The following MYO1B variants were observed in gnomAD, a reference collection of about 807,000 sequenced individuals.
MYO1B encodes the protein myosin IB, also known as unconventional myosin-Ib.
In MYO1B, 72 loss-of-function variants were observed where a neutral mutation model predicts 159.7. That is an observed-to-expected ratio of 0.45 (90% CI 0.37 to 0.55). The LOEUF (loss-of-function observed/expected upper bound fraction) is 0.55, where lower values mean the gene tolerates loss of function less well. Among genes scored for constraint, MYO1B ranks in the 20% least tolerant of loss-of-function variants. The pLI is 0.00. For missense variants in MYO1B, 1,062 were observed against 1,364.8 expected, an observed-to-expected ratio of 0.78 and a Z score of 3.50; for synonymous variants, 468 against 473.8, an observed-to-expected ratio of 0.99 and a Z score of 0.16.
intron 2 of MYO1B, 89 bp from the exon 3 acceptor site, chr2:191,296,022 A>G: frequency 1.7e-6 from 1 of 589,170 alleles, no homozygotes; most frequent in Non-Finnish European, 2.7e-6. Context: ...TGATTTTAAA[A>G]GGTTGAAACC....
chr2:191,324,865 AC>A (rs1212498812), intron 3 of MYO1B, among the ~76,000 whole-genome samples: 10 of 152,176 alleles, frequency 6.6e-5, no homozygotes, highest in Admixed American at 4.6e-4. Context: ...AGGGCATAAC[AC>A]TAACTTGACA....
intron 1 of MYO1B, chr2:191,246,464 T>C (rs1685800920): frequency 6.6e-6 from 1 of 152,230 alleles, no homozygotes; most frequent in South Asian, 2.1e-4. Context: ...CGTTTATTGC[T>C]GCAACAAGTT....
intron 2 of MYO1B, among the ~76,000 whole-genome samples, chr2:191,295,293 C>G (rs1053040411): frequency 6.6e-6 from 1 of 152,086 alleles, no homozygotes; most frequent in Non-Finnish European, 1.5e-5. Context: ...ACTAAACCAG[C>G]ACCACTGGTG....
In MYO1B at chr2:191,370,221, T is replaced by C. The variant is rs1694273406; in HGVS notation, c.1120-6T>C. On this transcript the variant is annotated splice_region_variant and splice_polypyrimidine_tract_variant and intron_variant, in intron 12 of 30. Coordinates refer to ENST00000392318, the MANE Select transcript of MYO1B (RefSeq NM_001130158.3). The stretch of plus-strand genomic sequence containing the variant: ...AATTAACCCTTTAATTTGAAACTTT[T>C]TAAAGGCACAAACAAAAGTGAGAAA... The C allele has an allele frequency of 6.2e-7, 1 of 1,611,606 alleles. No individual in the cohort carries two copies. Among genetic ancestry groups the C allele is most frequent in the African/African-American group, 1.3e-5 (1 of 74,846 alleles).
intron 28 of MYO1B, 29 bp from the exon 29 acceptor site, chr2:191,414,488 G>A: frequency 3.2e-6 from 5 of 1,575,666 alleles, no homozygotes; most frequent in Non-Finnish European, 4.3e-6. Context: ...GTGATCATTG[G>A]TTTTATACTA....
At chr2:191,298,393 C>A (rs116052566) in intron 3 of MYO1B, among the ~76,000 whole-genome samples, 1,779 of 152,180 alleles carry the variant, frequency 0.012, 32 homozygotes, top group African/African-American at 0.04. Context: ...TTATTTGATA[C>A]CTGAATATTT....
chr2:191,347,291 C>T (rs1692629757), intron 6 of MYO1B, among the ~76,000 whole-genome samples: 1 of 152,168 alleles, frequency 6.6e-6, no homozygotes, highest in African/African-American at 2.4e-5. Context: ...AATTCCAAGG[C>T]TGTGAATTTT....
intron 2 of MYO1B, among the ~76,000 whole-genome samples, chr2:191,289,051 G>A (rs1211230230): frequency 6.6e-6 from 1 of 152,166 alleles, no homozygotes; most frequent in African/African-American, 2.4e-5. Flanking sequence ...GTTAAAGAAT[G>A]ATTACGATTG....
chr2:191,266,307 A>G (rs909761989), intron 1 of MYO1B, among the ~76,000 whole-genome samples: 1 of 152,210 alleles, frequency 6.6e-6, no homozygotes, highest in African/African-American at 2.4e-5. Flanking sequence ...TCTCTCAGTC[A>G]GGCTACATAA....
chr2:191,314,541 C>T (rs1690224070), intron 3 of MYO1B, among the ~76,000 whole-genome samples: 1 of 152,188 alleles, frequency 6.6e-6, no homozygotes, highest in Non-Finnish European at 1.5e-5. Context: ...TTCACATATT[C>T]ATCCATTGGG....
At chr2:191,417,997 G>A (rs1176156892) in intron 30 of MYO1B, among the ~76,000 whole-genome samples, 4 of 152,216 alleles carry the variant, frequency 2.6e-5, no homozygotes, top group African/African-American at 9.7e-5. Flanking sequence ...TAAGCTTTCA[G>A]TAAACAGTTG....
At chr2:191,400,947 G>A (rs1696575198) in intron 23 of MYO1B, 112 bp downstream of exon 23, 3 of 984,428 alleles carry the variant, frequency 3.0e-6, no homozygotes, top group East Asian at 2.6e-5. Flanking sequence ...TCACACTGGT[G>A]CATGTCCTAG....
At chr2:191,394,986 T>TG (rs1695981232) in intron 20 of MYO1B, among the ~76,000 whole-genome samples, 2 of 152,238 alleles carry the variant, frequency 1.3e-5, no homozygotes, top group Non-Finnish European at 2.9e-5. Flanking sequence ...AGCCAGTGGT[T>TG]AAACTCATTA....
chr2:191,282,487 A>C (rs1688119517), intron 2 of MYO1B, among the ~76,000 whole-genome samples: 1 of 152,240 alleles, frequency 6.6e-6, no homozygotes, highest in Non-Finnish European at 1.5e-5. Flanking sequence ...TTTCCTTTAA[A>C]GGTTTTTTAA....
At chr2:191,268,320 C>T (rs1687261395) in intron 1 of MYO1B, among the ~76,000 whole-genome samples, 1 of 152,018 alleles carries the variant, frequency 6.6e-6, no homozygotes. Flanking sequence ...AAGAGCGAAC[C>T]CTGGTTTCTT....
intron 1 of MYO1B, among the ~76,000 whole-genome samples, chr2:191,259,500 AATAAATTTT>A (rs1438181812): frequency 6.6e-6 from 1 of 152,194 alleles, no homozygotes; most frequent in Non-Finnish European, 1.5e-5. Context: ...TAGTATTTGA[AATAAATTTT>A]ATAGTTGTGT....
intron 3 of MYO1B, among the ~76,000 whole-genome samples, chr2:191,297,328 TTGCAGACGG>T (rs954848784): frequency 1.3e-5 from 2 of 152,222 alleles, no homozygotes; most frequent in African/African-American, 4.8e-5. Context: ...CCACGGTGTC[TTGCAGACGG>T]GAGTTGGTTG....
At chr2:191,387,139 T>C in intron 16 of MYO1B, 85 bp from the exon 17 acceptor site, 1 of 1,344,592 alleles carries the variant, frequency 7.4e-7, no homozygotes, top group Non-Finnish European at 1.0e-6. Context: ...GGCTGCAATG[T>C]AGATAGTCTT....
intron 27 of MYO1B, among the ~76,000 whole-genome samples, chr2:191,412,343 C>G (rs941614234): frequency 6.6e-6 from 1 of 152,212 alleles, no homozygotes; most frequent in Admixed American, 6.5e-5. Flanking sequence ...TCAGAAACTA[C>G]AGGCTGGAAA....
Sources: gnomAD v4.1 joint callset for allele counts (sites outside exome capture counted in the v4.1 genomes callset) on GRCh38, gnomAD v4.1.1 for gene constraint, MANE v1.5 for transcripts, NCBI Gene and HGNC (gene_info 2026-07-23, HGNC 2026-07-21) for gene names.